Variants in ANK3 observed in about 807,000 individuals in gnomAD.
ANK3 encodes ankyrin 3, also known as ankyrin-3.
Under a neutral mutation model 370.9 loss-of-function variants are expected in ANK3, and 57 were observed. That is an observed-to-expected ratio of 0.15 (90% CI 0.12 to 0.19). The LOEUF (loss-of-function observed/expected upper bound fraction) is 0.19. Among genes scored for constraint, ANK3 ranks in the 10% least tolerant of loss-of-function variants. The pLI is 1.00. For synonymous variants in ANK3, 1,929 were observed against 1,946.3 expected (o/e 0.99, Z 0.23); for missense variants, 4,439 against 5,302.1 (o/e 0.84, Z 5.06).
intron 1 of ANK3, among the ~76,000 whole-genome samples, chr10:60,681,589 C>T (rs2133391456): frequency 6.6e-6 from 1 of 152,292 alleles, no homozygotes. Context: ...GTCTCAGGTG[C>T]CCCCACTATG....
intron 42 of ANK3, chr10:60,044,915 A>G (rs1364515433): frequency 1.3e-5 from 2 of 152,252 alleles, no homozygotes; most frequent in Non-Finnish European, 2.9e-5. Flanking sequence ...AATCTTTCAT[A>G]GCTCTTAAGT....
intron 16 of ANK3, among the ~76,000 whole-genome samples, chr10:60,191,635 A>G (rs1474880773): frequency 6.6e-6 from 1 of 152,228 alleles, no homozygotes; most frequent in Non-Finnish European, 1.5e-5. Flanking sequence ...GTAGGAACGT[A>G]AATTAATATA....
chr10:60,082,308 A>T (rs540354331), intron 34 of ANK3, 132 bp from the exon 35 acceptor site: 46 of 845,762 alleles, frequency 5.4e-5, no homozygotes, highest in Middle Eastern at 2.3e-4. Context: ...AGCAAATTTT[A>T]AAAAAAGCCA....
chr10:60,482,173 C>T (rs2075238138), intron 2 of ANK3, among the ~76,000 whole-genome samples: 1 of 152,140 alleles, frequency 6.6e-6, no homozygotes, highest in African/African-American at 2.4e-5. Flanking sequence ...CCTTGCTCCC[C>T]TTGTTGCTCT....
chr10:60,083,519 T>C lies in ANK3; in HGVS notation c.4173A>G (p.Lys1391=), dbSNP rs1175853143. ...TGATGGAAAATGGCAGTCTATTTTC[T>C]TTGAAAGAATAAAAGTTAAAAACAA... The part of the protein sequence containing the change: ...QQLVFNFYSF[K]ENRLPFSIKI... The change falls in exon 33 of 44, where the codon AAA becomes AAG. Residue 1391 remains lysine, a synonymous_variant. Transcript: ENST00000280772. The C allele has an allele frequency of 1.2e-6, 2 of 1,611,494 alleles. No individual in the cohort carries two copies. Among genetic ancestry groups the C allele is most frequent in the Non-Finnish European group, 1.7e-6 (2 of 1,179,182 alleles).
intron 1 of ANK3, among the ~76,000 whole-genome samples, chr10:60,707,558 T>A (rs1336479204): frequency 6.6e-6 from 1 of 151,830 alleles, no homozygotes; most frequent in Non-Finnish European, 1.5e-5. Flanking sequence ...CTCCACAAAA[T>A]ACAGTTCTGA....
rs571992709 is a variant in ANK3 at position 60,623,875 on chromosome 10, T to C, written c.58-8651A>G. On this transcript the variant is annotated intron_variant, in intron 1 of 43. Transcript: ENST00000373827. ...CTATGCAAACAATGTGATTTATATA[T>C]GGTAGGGTGCCTGTGGCTACATGGT... is the stretch of plus-strand genomic sequence containing the variant. 2.6e-5 allele frequency among the ~76,000 whole-genome samples: 4 copies of C among 152,298 alleles called. No homozygotes were observed. In the South Asian group the frequency reaches 6.2e-4, roughly 24 times the overall value.
At chr10:60,552,714 C>T (rs1399721230) in intron 2 of ANK3, among the ~76,000 whole-genome samples, 1 of 152,118 alleles carries the variant, frequency 6.6e-6, no homozygotes, top group East Asian at 1.9e-4. Flanking sequence ...AGCAGGTGTT[C>T]CTGCTTCCTT....
Position 60,075,979 on chromosome 10 carries a change from C to T in ANK3, c.4902G>A (p.Leu1634=). 6.2e-7 allele frequency: 1 copy of T among 1,614,084 alleles called. No homozygotes were observed. The highest frequency in any genetic ancestry group is 8.5e-7 in the Non-Finnish European group (1 of 1,179,994). The change falls in exon 37 of 44, where the codon TTG becomes TTA. Residue 1634 remains leucine (L), a synonymous_variant. Transcript: ENST00000280772. Reference sequence around the variant, plus strand: ...GTGTCATAGTAATTGATGACCTCTCCAAAAGAGACCCTGCTGTAGTCACTG... The same window carrying T: ...GTGTCATAGTAATTGATGACCTCTCTAAAAGAGACCCTGCTGTAGTCACTG... ...TSPVTTAGSL[L]ERSSITMTPP... is the part of the protein sequence containing the mutation.
At chr10:60,166,681 T>A in intron 22 of ANK3, 28 bp from the exon 23 acceptor site, 1 of 1,608,830 alleles carries the variant, frequency 6.2e-7, no homozygotes, top group Non-Finnish European at 8.5e-7. Flanking sequence ...ACAATATAAG[T>A]GGATGAAAAA....
chr10:60,720,061 G>A (rs1172189244), intron 1 of ANK3, among the ~76,000 whole-genome samples: 1 of 152,192 alleles, frequency 6.6e-6, no homozygotes, highest in African/African-American at 2.4e-5. Context: ...GAGGATGAGA[G>A]AAGAGGAGGA....
intron 21 of ANK3, 49 bp downstream of exon 21, chr10:60,172,259 G>T: frequency 1.4e-6 from 2 of 1,455,824 alleles, no homozygotes; most frequent in Non-Finnish European, 1.9e-6. Context: ...CAAGAAAACT[G>T]GCTGAAAGCT....
At chr10:60,714,496 C>T (rs57235995) in intron 1 of ANK3, among the ~76,000 whole-genome samples, 1,697 of 152,276 alleles carry the variant, frequency 0.011, 29 homozygotes, top group African/African-American at 0.039. Flanking sequence ...GTCCTCAACA[C>T]ATCAAATCCA....
At chr10:60,246,499 C>T (rs2097558351) in intron 7 of ANK3, among the ~76,000 whole-genome samples, 2 of 152,172 alleles carry the variant, frequency 1.3e-5, no homozygotes, top group African/African-American at 4.8e-5. Flanking sequence ...ACCGAAGATA[C>T]TGATGCCAAT....
chr10:60,410,624 G>A (rs748942385), intron 2 of ANK3, among the ~76,000 whole-genome samples: 2 of 152,162 alleles, frequency 1.3e-5, no homozygotes, highest in Non-Finnish European at 2.9e-5. Context: ...GCAGATTGAT[G>A]TGACATGTGG....
At chr10:60,208,827 AAAG>A (rs1439603208) in intron 9 of ANK3, among the ~76,000 whole-genome samples, 4 of 152,336 alleles carry the variant, frequency 2.6e-5, no homozygotes, top group South Asian at 4.1e-4. Context: ...ATCTCACATC[AAAG>A]AAGAAAGGAA....
chr10:60,654,641 G>A (rs2133365850), intron 1 of ANK3, among the ~76,000 whole-genome samples: 1 of 152,074 alleles, frequency 6.6e-6, no homozygotes. Flanking sequence ...AATCCTACAT[G>A]GTCATGACAT....
At chr10:60,418,180 C>A (rs2063708087) in intron 2 of ANK3, among the ~76,000 whole-genome samples, 1 of 152,126 alleles carries the variant, frequency 6.6e-6, no homozygotes, top group Admixed American at 6.6e-5. Flanking sequence ...ATGCACTGTC[C>A]AGGTCACAGC....
At chr10:60,372,390 G>T (rs143119141) in intron 1 of ANK3, among the ~76,000 whole-genome samples, 2 of 152,136 alleles carry the variant, frequency 1.3e-5, no homozygotes, top group African/African-American at 4.8e-5. Flanking sequence ...GATTTAAGGG[G>T]TATCACGATT....
Sources: allele counts gnomAD v4.1 joint callset (sites outside exome capture counted in the v4.1 genomes callset), GRCh38; gene constraint gnomAD v4.1.1; transcripts MANE v1.5; gene names NCBI Gene and HGNC (gene_info 2026-07-23, HGNC 2026-07-21).